The following TAFA2 variants were observed in gnomAD, a reference collection of about 807,000 sequenced individuals.
The protein encoded by TAFA2 is chemokine-like protein TAFA-2.
In TAFA2, 7 loss-of-function variants were observed where a neutral mutation model predicts 18.8. That is an observed-to-expected ratio of 0.37 (90% CI 0.21 to 0.70). TAFA2 has a LOEUF of 0.70. Among genes scored for constraint, TAFA2 ranks in the 30% least tolerant of loss-of-function variants. The probability of loss-of-function intolerance (pLI) is 0.53; values close to 1 mark genes in which losing one functional copy is unlikely to be tolerated. For synonymous variants in TAFA2, 60 were observed against 54.2 expected (o/e 1.11, Z -0.47); for missense variants, 122 against 158.1 (o/e 0.77, Z 1.23).
At chr12:61,817,305 C>G (rs886357255) in intron 2 of TAFA2, among the ~76,000 whole-genome samples, 1 of 152,014 alleles carries the variant, frequency 6.6e-6, no homozygotes, top group African/African-American at 2.4e-5. Flanking sequence ...CCTAACCTAC[C>G]TTCATGTGAC....
At chr12:61,834,431 C>T (rs1319418816) in intron 2 of TAFA2, among the ~76,000 whole-genome samples, 2 of 152,064 alleles carry the variant, frequency 1.3e-5, no homozygotes, top group African/African-American at 2.4e-5. Context: ...CAATATTGAA[C>T]TTAGCCTGAC....
At chr12:62,030,106 A>G (rs1881417537) in intron 1 of TAFA2, among the ~76,000 whole-genome samples, 1 of 152,144 alleles carries the variant, frequency 6.6e-6, no homozygotes, top group Non-Finnish European at 1.5e-5. Context: ...CTAACTTATT[A>G]TCAGCCACTG....
chr12:61,728,546 T>C (rs1005950699), intron 4 of TAFA2, among the ~76,000 whole-genome samples: 3 of 151,964 alleles, frequency 2.0e-5, no homozygotes, highest in African/African-American at 4.8e-5. Flanking sequence ...AGAATAGCTA[T>C]TTCTGCTTGC....
At chr12:61,807,492 C>A (rs1398992142) in intron 2 of TAFA2, among the ~76,000 whole-genome samples, 1 of 151,298 alleles carries the variant, frequency 6.6e-6, no homozygotes, top group African/African-American at 2.5e-5. Flanking sequence ...GAGGTCAGAA[C>A]CCCCACACAG....
intron 2 of TAFA2, among the ~76,000 whole-genome samples, chr12:61,831,191 C>T (rs938939325): frequency 2.0e-5 from 3 of 151,974 alleles, no homozygotes; most frequent in Non-Finnish European, 4.4e-5. Context: ...TAGCTCAATG[C>T]TTGGTATGTA....
chr12:62,052,621 A>G (rs1315892303), intron 1 of TAFA2, among the ~76,000 whole-genome samples: 1 of 152,178 alleles, frequency 6.6e-6, no homozygotes, highest in African/African-American at 2.4e-5. Context: ...GGCAATCAAT[A>G]AGAAGCAGGT....
chr12:62,092,646 G>A (rs142312270), intron 1 of TAFA2, among the ~76,000 whole-genome samples: 118 of 152,042 alleles, frequency 7.8e-4, no homozygotes, highest in Non-Finnish European at 1.3e-3. Context: ...TAACCCCAAT[G>A]TCTAGAAAAG....
intron 1 of TAFA2, among the ~76,000 whole-genome samples, chr12:62,069,508 T>C (rs1882573511): frequency 6.6e-6 from 1 of 152,134 alleles, no homozygotes; most frequent in African/African-American, 2.4e-5. Context: ...ACAGTCAAAC[T>C]GTATTTCAAT....
At chr12:61,711,539 T>C (rs1265096822) in intron 4 of TAFA2, among the ~76,000 whole-genome samples, 1 of 152,080 alleles carries the variant, frequency 6.6e-6, no homozygotes, top group African/African-American at 2.4e-5. Context: ...TGAAAAACAT[T>C]ACAAAAGTCT....
At chr12:61,899,601 C>T (rs987139729) in intron 1 of TAFA2, among the ~76,000 whole-genome samples, 1 of 152,148 alleles carries the variant, frequency 6.6e-6, no homozygotes, top group African/African-American at 2.4e-5. Context: ...GAATCTGTCT[C>T]CATGATCCAA....
chr12:61,811,986 C>G (rs1439682354), intron 2 of TAFA2, among the ~76,000 whole-genome samples: 3 of 151,128 alleles, frequency 2.0e-5, no homozygotes, highest in Non-Finnish European at 2.9e-5. Context: ...ACTGAAAAGC[C>G]CTATCCTCTT....
intron 1 of TAFA2, among the ~76,000 whole-genome samples, chr12:62,210,859 C>A (rs1033148701): frequency 6.6e-6 from 1 of 152,150 alleles, no homozygotes; most frequent in Admixed American, 6.5e-5. Context: ...CGTATATTGT[C>A]TTTTCACACT....
intron 1 of TAFA2, among the ~76,000 whole-genome samples, chr12:62,154,982 A>G (rs571011871): frequency 1.3e-4 from 20 of 152,326 alleles, no homozygotes; most frequent in African/African-American, 3.6e-4. Context: ...AGGGCATCCA[A>G]TCGGTAAAGA....
chr12:62,246,667 A>T (rs1358227971), intron 1 of TAFA2, among the ~76,000 whole-genome samples: 1 of 152,240 alleles, frequency 6.6e-6, no homozygotes, highest in African/African-American at 2.4e-5. Context: ...AAAAAGATTC[A>T]GAATGGTACA....
chr12:61,865,150 A>C (rs1436894330), intron 2 of TAFA2, among the ~76,000 whole-genome samples: 1 of 152,158 alleles, frequency 6.6e-6, no homozygotes, highest in East Asian at 1.9e-4. Flanking sequence ...CTTTGAAATG[A>C]GGTGGAAAGG....
chr12:61,916,323 T>C (rs767700219), intron 1 of TAFA2, among the ~76,000 whole-genome samples: 2 of 152,206 alleles, frequency 1.3e-5, no homozygotes, highest in African/African-American at 4.8e-5. Context: ...GAGTCTATGT[T>C]TCCTCAACTA....
chr12:61,837,281 T>C lies in TAFA2; in HGVS notation c.106+30039A>G, dbSNP rs150115854. Among the ~76,000 whole-genome samples, 350 of 152,066 alleles carry C rather than the reference T, an allele frequency of 2.3e-3. 1 individual carries two copies. Among genetic ancestry groups the C allele is most frequent in the African/African-American group, 7.9e-3 (330 of 41,534 alleles). On this transcript the variant is annotated intron_variant, in intron 2 of 4. Transcript: ENST00000416284. ...CTTTTATGCTCTTTCTCTGAGTTTGTAAAAATCAAAAATTATGTGGTGCAC... is the reference window on the plus strand; with the variant it reads ...CTTTTATGCTCTTTCTCTGAGTTTGCAAAAATCAAAAATTATGTGGTGCAC...
chr12:62,207,435 G>A (rs1036166011), intron 1 of TAFA2, among the ~76,000 whole-genome samples: 15 of 151,868 alleles, frequency 9.9e-5, no homozygotes, highest in African/African-American at 3.4e-4. Context: ...GAAAAATGCT[G>A]ACATGGTCTG....
chr12:62,077,264 T>C (rs779920711), intron 1 of TAFA2, among the ~76,000 whole-genome samples: 2 of 152,224 alleles, frequency 1.3e-5, no homozygotes, highest in Non-Finnish European at 2.9e-5. Context: ...CATATAAACA[T>C]GGTTTAATGA....
Sources: gnomAD v4.1 joint callset for allele counts (sites outside exome capture counted in the v4.1 genomes callset) on GRCh38, gnomAD v4.1.1 for gene constraint, MANE v1.5 for transcripts, NCBI Gene and HGNC (gene_info 2026-07-23, HGNC 2026-07-21) for gene names.